Variants in DLGAP2 observed in about 807,000 individuals in gnomAD.
The protein encoded by DLGAP2 is DLG associated protein 2.
Under a neutral mutation model 100.3 loss-of-function variants are expected in DLGAP2, and 26 were observed. The ratio of observed to expected loss-of-function variants is 0.26; its 90% CI spans 0.19 to 0.36. DLGAP2 has a LOEUF of 0.36. DLGAP2 is among the 10% of genes least tolerant of loss of function. The pLI is 1.00. For synonymous variants in DLGAP2, 886 were observed against 630.1 expected, an observed-to-expected ratio of 1.41 and a Z score of -6.08; for missense variants, 1,858 against 1,453.2, an observed-to-expected ratio of 1.28 and a Z score of -4.53.
chr8:1,516,942 A>G (rs962574036), intron 4 of DLGAP2, among the ~76,000 whole-genome samples: 1 of 152,230 alleles, frequency 6.6e-6, no homozygotes, highest in Non-Finnish European at 1.5e-5. Flanking sequence ...AAATACATAA[A>G]AAATGAAGCA....
At chr8:1,264,786 A>G (rs571991330) in intron 3 of DLGAP2, among the ~76,000 whole-genome samples, 3 of 152,150 alleles carry the variant, frequency 2.0e-5, no homozygotes, top group African/African-American at 7.2e-5. Context: ...CCCAAATCTC[A>G]TCTTGAATTG....
chr8:1,329,095 C>T (rs961223237), intron 3 of DLGAP2, among the ~76,000 whole-genome samples: 2 of 152,192 alleles, frequency 1.3e-5, no homozygotes, highest in African/African-American at 4.8e-5. Context: ...CGACAAGCGA[C>T]GAGTGGGAAG....
At chr8:1,047,806 C>T (rs1284462656) in intron 2 of DLGAP2, among the ~76,000 whole-genome samples, 1 of 152,142 alleles carries the variant, frequency 6.6e-6, no homozygotes, top group Non-Finnish European at 1.5e-5. Context: ...ACACCATCAC[C>T]TTGGAGGTTC....
intron 3 of DLGAP2, among the ~76,000 whole-genome samples, chr8:1,385,168 C>T (rs1462943159): frequency 2.6e-4 from 16 of 61,716 alleles, no homozygotes; most frequent in African/African-American, 9.3e-4. Flanking sequence ...GCACAGTTAC[C>T]CCGGCCTATG....
intron 1 of DLGAP2, among the ~76,000 whole-genome samples, chr8:784,061 T>G (rs982829238): frequency 1.3e-5 from 2 of 152,224 alleles, no homozygotes; most frequent in Non-Finnish European, 2.9e-5. Context: ...TTTTGCATCT[T>G]ACAGCTATTA....
chr8:1,437,457 A>G (rs185592374), intron 3 of DLGAP2, among the ~76,000 whole-genome samples: 2 of 152,292 alleles, frequency 1.3e-5, no homozygotes, highest in Admixed American at 1.3e-4. Context: ...GCGTAAGACG[A>G]TGTTTTCGGT....
chr8:1,382,337 C>A (rs1329335180), intron 3 of DLGAP2, among the ~76,000 whole-genome samples: 4 of 152,224 alleles, frequency 2.6e-5, no homozygotes, highest in Non-Finnish European at 5.9e-5. Context: ...GTTGTTCCCA[C>A]AGTCTCAGGG....
At chr8:1,102,352 T>C (rs1804613727) in intron 2 of DLGAP2, among the ~76,000 whole-genome samples, 1 of 147,654 alleles carries the variant, frequency 6.8e-6, no homozygotes. Context: ...TTATATATTA[T>C]ATATCTATTA....
At position 930,083 on chromosome 8, in the gene DLGAP2, G is replaced by C. The variant is rs202095946; in HGVS notation, c.73+22117G>C. ...AGTCTGAGACAGGCCACACTGATGTGTTTGCATCGGGTTGAAGGCTGAGAA... is the reference window on the plus strand; with the variant it reads ...AGTCTGAGACAGGCCACACTGATGTCTTTGCATCGGGTTGAAGGCTGAGAA... On this transcript the variant is annotated intron_variant, in intron 2 of 14. Transcript: ENST00000637795. Among the ~76,000 whole-genome samples, 16 of 152,278 alleles carry C rather than the reference G, an allele frequency of 1.1e-4. No individual in the cohort carries two copies. In the East Asian group the frequency reaches 2.3e-3, roughly 22 times the overall value.
At chr8:1,372,177 C>CGCCAACGCTGGGGCGCAGGTCACCGTGCT (rs1802254609) in intron 3 of DLGAP2, among the ~76,000 whole-genome samples, 5 of 151,560 alleles carry the variant, frequency 3.3e-5, no homozygotes, top group African/African-American at 1.2e-4. Context: ...GTCACCGTGG[C>CGCCAACGCTGGGGCGCAGGTCACCGTGCT]GCCAACGCTG....
chr8:1,072,037 A>G (rs374295780), intron 2 of DLGAP2, among the ~76,000 whole-genome samples: 14 of 152,306 alleles, frequency 9.2e-5, no homozygotes, highest in Admixed American at 3.3e-4. Flanking sequence ...ATGGCTGCAG[A>G]CACCACTCGG....
chr8:1,416,015 C>G lies in DLGAP2; in HGVS notation c.107-85351C>G, dbSNP rs369716993. 1.4e-3 allele frequency among the ~76,000 whole-genome samples: 216 copies of G among 152,206 alleles called. 1 individual carries two copies. The Middle Eastern group carries it at 0.017, about 12-fold the overall frequency. ...GTGATGGGTGACAAAACTGACTACC[C>G]CTGCCAATGGGAAGCAGGTGGAAAA... is the stretch of plus-strand genomic sequence containing the variant. On this transcript the variant is annotated intron_variant, in intron 3 of 14. Coordinates refer to ENST00000637795, the MANE Select transcript of DLGAP2 (RefSeq NM_001346810.2).
At chr8:1,118,640 C>T (rs907689612) in intron 2 of DLGAP2, among the ~76,000 whole-genome samples, 1 of 152,162 alleles carries the variant, frequency 6.6e-6, no homozygotes, top group African/African-American at 2.4e-5. Context: ...CAGACGGCCC[C>T]TGTACTGAGG....
chr8:1,367,676 ACGTCTTAGTT>A (rs1802138415), intron 3 of DLGAP2, among the ~76,000 whole-genome samples: 1 of 152,248 alleles, frequency 6.6e-6, no homozygotes, highest in African/African-American at 2.4e-5. Flanking sequence ...AAACTATGCT[ACGTCTTAGTT>A]TTGTAACAAA....
chr8:1,536,370 T>C (rs1257151488), intron 4 of DLGAP2, among the ~76,000 whole-genome samples: 2 of 152,176 alleles, frequency 1.3e-5, no homozygotes, highest in Non-Finnish European at 2.9e-5. Flanking sequence ...TCTCATTTCA[T>C]ACCCGAGAAC....
Position 1,322,821 on chromosome 8 carries a change from C to T in DLGAP2, c.106+63938C>T, listed in dbSNP as rs375776195. Among the ~76,000 whole-genome samples, 5 of 152,336 alleles carry T rather than the reference C, an allele frequency of 3.3e-5. No homozygotes were observed. In the East Asian group the frequency reaches 5.8e-4, roughly 18 times the overall value. On this transcript the variant is annotated intron_variant, in intron 3 of 14. Transcript: ENST00000637795. ...TGATAAGCCGAGTTAATAATTTCCTCTTTAATGGTCCTATATTTGTAGGTT... is the reference window on the plus strand; with the variant it reads ...TGATAAGCCGAGTTAATAATTTCCTTTTTAATGGTCCTATATTTGTAGGTT...
In DLGAP2 at chr8:1,178,738, G is replaced by C. The variant is rs138662809; in HGVS notation, c.74-80113G>C. On this transcript the variant is annotated intron_variant, in intron 2 of 14. Transcript: ENST00000637795. ...CTGGGCAGTGCTTTTCTTCCCCTTT[G>C]GCTCAGAGACAGTCTTACCTGCAAT... 2.9e-3 allele frequency among the ~76,000 whole-genome samples: 445 copies of C among 152,300 alleles called. 2 individuals carry two copies. The highest frequency in any genetic ancestry group is 9.6e-3 in the African/African-American group (400 of 41,560).
intron 2 of DLGAP2, among the ~76,000 whole-genome samples, chr8:1,202,874 C>T (rs775171376): frequency 6.6e-6 from 1 of 152,252 alleles, no homozygotes; most frequent in African/African-American, 2.4e-5. Context: ...GTTAATCAGC[C>T]GCTGCCCACC....
At chr8:1,409,364 TC>T (rs1796665262) in intron 3 of DLGAP2, among the ~76,000 whole-genome samples, 1 of 151,978 alleles carries the variant, frequency 6.6e-6, no homozygotes, top group East Asian at 1.9e-4. Context: ...AACTCCTTCC[TC>T]ACCGTAGGCG....
Sources: allele counts gnomAD v4.1 joint callset (sites outside exome capture counted in the v4.1 genomes callset), GRCh38; gene constraint gnomAD v4.1.1; transcripts MANE v1.5; gene names NCBI Gene and HGNC (gene_info 2026-07-23, HGNC 2026-07-21).